TRPS1: variants seen among roughly 807,000 people sequenced by gnomAD.
TRPS1 encodes the protein zinc finger transcription factor Trps1.
TRPS1 carries 6 observed loss-of-function variants against 101.2 expected under a neutral mutation model. The ratio of observed to expected loss-of-function variants is 0.06; its 90% CI spans 0.03 to 0.12. TRPS1 has a LOEUF of 0.12. TRPS1 is among the 10% of genes least tolerant of loss of function. The pLI is 1.00. For missense variants in TRPS1, 1,363 were observed against 1,567.0 expected, an observed-to-expected ratio of 0.87 and a Z score of 2.20; for synonymous variants, 578 against 589.8, an observed-to-expected ratio of 0.98 and a Z score of 0.29.
At chr8:115,616,311 C>A (rs1240009917) in intron 3 of TRPS1, among the ~76,000 whole-genome samples, 4 of 152,194 alleles carry the variant, frequency 2.6e-5, no homozygotes, top group Non-Finnish European at 5.9e-5. Context: ...ACAAGCATGT[C>A]TAAATTTCAA....
At chr8:115,431,302 A>G (rs1178626762) in intron 5 of TRPS1, among the ~76,000 whole-genome samples, 1 of 152,072 alleles carries the variant, frequency 6.6e-6, no homozygotes, top group East Asian at 1.9e-4. Context: ...GTATAACTCA[A>G]TATCTATGTT....
At chr8:115,505,859 A>T (rs1815429615) in intron 5 of TRPS1, among the ~76,000 whole-genome samples, 2 of 152,186 alleles carry the variant, frequency 1.3e-5, no homozygotes, top group East Asian at 1.9e-4. Context: ...AAGCTTACAA[A>T]TTTTTTTAAA....
intron 1 of TRPS1, among the ~76,000 whole-genome samples, chr8:115,639,636 C>G (rs1027832572): frequency 3.3e-5 from 5 of 149,650 alleles, no homozygotes; most frequent in African/African-American, 1.2e-4. Flanking sequence ...GGAAACCAGC[C>G]TGGGTGACAT....
chr8:115,443,456 C>T (rs577487411), intron 5 of TRPS1, among the ~76,000 whole-genome samples: 1 of 152,304 alleles, frequency 6.6e-6, no homozygotes, highest in Admixed American at 6.5e-5. Context: ...GACATTTGCA[C>T]AATCTGCTCG....
rs1216226182 is a variant in TRPS1 at position 115,668,558 on chromosome 8, G to T, written c.-135C>A. ...TCCCCTCCTTACCTGTTGATTAATC[G>T]TCAAGAACACCCTCGGCAGCCCGAA... On this transcript the variant is annotated 5_prime_UTR_variant, in exon 1 of 7. Coordinates refer to ENST00000395715, the MANE Select transcript of TRPS1 (RefSeq NM_014112.5). 1 of 148,088 alleles carries T rather than the reference G, an allele frequency of 6.8e-6. No individual in the cohort carries two copies. The highest frequency in any genetic ancestry group is 1.5e-5 in the Non-Finnish European group (1 of 66,842). The allele number at this position is 148,088 out of a possible 1,614,324, so 9.2% of individuals were successfully genotyped here. A position where few individuals can be genotyped will look rare whatever the true frequency, so the allele number is the denominator to read the frequency against.
chr8:115,448,161 A>T (rs937290034), intron 5 of TRPS1, among the ~76,000 whole-genome samples: 21 of 152,226 alleles, frequency 1.4e-4, no homozygotes, highest in Non-Finnish European at 2.8e-4. Context: ...GCCATCCTCC[A>T]AATCTTTGTT....
At chr8:115,569,704 C>T (rs1363955389) in intron 5 of TRPS1, among the ~76,000 whole-genome samples, 2 of 152,160 alleles carry the variant, frequency 1.3e-5, no homozygotes, top group South Asian at 2.1e-4. Flanking sequence ...GGTCCCATTA[C>T]ACATTTCTGG....
intron 5 of TRPS1, among the ~76,000 whole-genome samples, chr8:115,571,178 A>C (rs1817194595): frequency 6.6e-6 from 1 of 152,230 alleles, no homozygotes; most frequent in Non-Finnish European, 1.5e-5. Context: ...TATAAAACTT[A>C]AAAGGTTTGT....
chr8:115,619,917 G>C lies in TRPS1; in HGVS notation c.181C>G (p.Gln61Glu). ...SADQMSENTD[Q>E]SDAAELNHKE... ...TGATTTAGTTCTGCAGCATCACTCT[G>C]ATCCGTATTTTCTGACATCTGATCT... Residue 61 changes from glutamine (Q) to glutamate (E), a missense_variant, in exon 3 of 7, where the codon CAG (glutamine) becomes GAG (glutamate). Physicochemically the swap from Gln to Glu is conservative, Grantham distance 29. Around this residue, in one of 5 missense-constraint regions of TRPS1, gnomAD observed 1,020 missense variants for 1,073.0 expected, o/e 0.95. Transcript: ENST00000395715. 1 of 1,614,138 alleles carries C rather than the reference G, an allele frequency of 6.2e-7. No homozygotes were observed. Among genetic ancestry groups the C allele is most frequent in the Non-Finnish European group, 8.5e-7 (1 of 1,180,026 alleles).
chr8:115,598,723 T>C (rs955007737), intron 4 of TRPS1, among the ~76,000 whole-genome samples: 1 of 152,232 alleles, frequency 6.6e-6, no homozygotes. Context: ...TCTTAGGAGA[T>C]AGCTTTGATG....
At chr8:115,601,205 T>A (rs978258723) in intron 4 of TRPS1, among the ~76,000 whole-genome samples, 12 of 152,212 alleles carry the variant, frequency 7.9e-5, no homozygotes, top group Non-Finnish European at 1.6e-4. Flanking sequence ...CTCAAAAGCC[T>A]AGAATATTTC....
chr8:115,581,658 T>C (rs924132196), intron 5 of TRPS1, among the ~76,000 whole-genome samples: 6 of 152,144 alleles, frequency 3.9e-5, no homozygotes, highest in Admixed American at 1.3e-4. Flanking sequence ...CTATGGAATA[T>C]GGAACGAATT....
At chr8:115,621,826 G>A (rs535280472) in intron 2 of TRPS1, among the ~76,000 whole-genome samples, 1 of 151,772 alleles carries the variant, frequency 6.6e-6, no homozygotes, top group South Asian at 2.1e-4. Context: ...TGAGGCAGGA[G>A]AACTGCTTGA....
intron 5 of TRPS1, among the ~76,000 whole-genome samples, chr8:115,535,245 C>CATAT (rs375473986): frequency 1.1e-4 from 4 of 35,056 alleles, no homozygotes; most frequent in East Asian, 2.9e-3. Context: ...GCATATATAG[C>CATAT]ATATATAGCA....
chr8:115,443,960 T>C (rs1732742853), intron 5 of TRPS1, among the ~76,000 whole-genome samples: 1 of 152,174 alleles, frequency 6.6e-6, no homozygotes, highest in Admixed American at 6.5e-5. Flanking sequence ...TTACAATGTA[T>C]TCAATATAGA....
At chr8:115,468,520 G>A (rs1210904519) in intron 5 of TRPS1, among the ~76,000 whole-genome samples, 1 of 152,048 alleles carries the variant, frequency 6.6e-6, no homozygotes, top group Non-Finnish European at 1.5e-5. Flanking sequence ...TAACTCTGTG[G>A]TTACCGTGTC....
At position 115,414,508 on chromosome 8, in the gene TRPS1, C is replaced by T. The variant is rs143500511; in HGVS notation, c.3400G>A (p.Val1134Ile). Residue 1134 changes from valine to isoleucine, a missense_variant, in exon 7 of 7, where the codon GTT (valine) becomes ATT (isoleucine). Around this residue, in one of 5 missense-constraint regions of TRPS1, gnomAD observed 307 missense variants for 392.4 expected, o/e 0.78. Transcript: ENST00000395715. This position sits in a 1 kb window ranked among gnomAD's most constrained non-coding sequence, Gnocchi z 4.8. ...CTCAAGTAGTGCGGATTCCCAGGAA[C>T]GGAGAGCTTATATTTACTCCAGAAC... ...LRFWSKYKLS[V>I]PGNPHYLSHV... is the part of the protein sequence containing the mutation. 7.1e-5 allele frequency: 115 copies of T among 1,613,748 alleles called. No individual in the cohort carries two copies. Among genetic ancestry groups the T allele is most frequent in the African/African-American group, 2.4e-4 (18 of 74,880 alleles).
At chr8:115,495,872 T>C (rs1815136958) in intron 5 of TRPS1, among the ~76,000 whole-genome samples, 1 of 152,198 alleles carries the variant, frequency 6.6e-6, no homozygotes, top group African/African-American at 2.4e-5. Context: ...ATCCAAATTT[T>C]TAGTTCAATT....
At chr8:115,439,595 G>A (rs546011521) in intron 5 of TRPS1, among the ~76,000 whole-genome samples, 1 of 152,290 alleles carries the variant, frequency 6.6e-6, no homozygotes, top group South Asian at 2.1e-4. Flanking sequence ...ATTAGCCACA[G>A]GGGACATTTT....
Sources: allele counts gnomAD v4.1 joint callset (sites outside exome capture counted in the v4.1 genomes callset), GRCh38; gene constraint gnomAD v4.1.1; regional missense constraint gnomAD v4.1.1; non-coding constraint Gnocchi (gnomAD v3.1); transcripts MANE v1.5; gene names NCBI Gene and HGNC (gene_info 2026-07-23, HGNC 2026-07-21).